The following PDZRN3 variants were observed in gnomAD, a reference collection of about 807,000 sequenced individuals.
PDZRN3 encodes the protein E3 ubiquitin-protein ligase PDZRN3.
A neutral mutation model predicts 85.7 loss-of-function variants in PDZRN3; 38 were observed. The ratio of observed to expected loss-of-function variants is 0.44; its 90% CI spans 0.34 to 0.58. PDZRN3 has a LOEUF of 0.58. Among genes scored for constraint, PDZRN3 ranks in the 20% least tolerant of loss-of-function variants. PDZRN3 has a pLI of 0.01. For synonymous variants in PDZRN3, 759 were observed against 638.0 expected (o/e 1.19, Z -2.86); for missense variants, 1,629 against 1,506.4 (o/e 1.08, Z -1.35).
intron 3 of PDZRN3, among the ~76,000 whole-genome samples, chr3:73,466,858 T>C (rs972439983): frequency 1.3e-5 from 2 of 152,222 alleles, no homozygotes; most frequent in African/African-American, 4.8e-5. Context: ...GCAGAATGTA[T>C]GCAAATTTTC....
intron 3 of PDZRN3, among the ~76,000 whole-genome samples, chr3:73,471,785 T>C (rs1034805866): frequency 2.0e-5 from 3 of 152,360 alleles, no homozygotes; most frequent in African/African-American, 4.8e-5. Flanking sequence ...GCCCCTTCCG[T>C]TTAGAATGTT....
rs571257284 is a variant in PDZRN3, at chr3:73,434,027, C to T, written c.919-29632G>A. 1.0e-4 allele frequency: 99 copies of T among 971,990 alleles called. No individual in the cohort carries two copies. In the African/African-American group the frequency reaches 1.5e-3, roughly 15 times the overall value. 60.2% of individuals were successfully genotyped at this position (971,990 alleles called of 1,614,324 possible). ...TGGTCCAATGCACACGCTATATATA[C>T]TGCTGCTCATGCATATTAATCAGCT... On this transcript the variant is annotated intron_variant, in intron 3 of 9. Transcript: ENST00000263666.
chr3:73,593,270 C>A (rs1365278192), intron 3 of PDZRN3, among the ~76,000 whole-genome samples: 1 of 152,048 alleles, frequency 6.6e-6, no homozygotes, highest in African/African-American at 2.4e-5. Context: ...ATTTTTTGAC[C>A]TAATCTTCAC....
chr3:73,492,677 G>C (rs1324877287), intron 3 of PDZRN3, among the ~76,000 whole-genome samples: 1 of 152,142 alleles, frequency 6.6e-6, no homozygotes, highest in Non-Finnish European at 1.5e-5. Flanking sequence ...CTGGCATTTG[G>C]ACAGCTAGAC....
chr3:73,476,952 G>T (rs1041010232), intron 3 of PDZRN3, among the ~76,000 whole-genome samples: 6 of 151,898 alleles, frequency 4.0e-5, no homozygotes, highest in Admixed American at 1.3e-4. Flanking sequence ...GAGACAATCG[G>T]TTTTTTTTAA....
intron 3 of PDZRN3, among the ~76,000 whole-genome samples, chr3:73,539,281 T>A (rs1704859056): frequency 6.6e-6 from 1 of 152,222 alleles, no homozygotes; most frequent in Non-Finnish European, 1.5e-5. Context: ...ATAGGTCACC[T>A]TGAGATAGTT....
At chr3:73,526,160 C>A (rs1279477548) in intron 3 of PDZRN3, among the ~76,000 whole-genome samples, 1 of 152,112 alleles carries the variant, frequency 6.6e-6, no homozygotes, top group Admixed American at 6.5e-5. Flanking sequence ...TGCTTGAAAT[C>A]AAAAGTGATG....
intron 3 of PDZRN3, among the ~76,000 whole-genome samples, chr3:73,522,799 C>A (rs1157456319): frequency 1.3e-5 from 2 of 151,978 alleles, no homozygotes; most frequent in Non-Finnish European, 1.5e-5. Context: ...ATAATTTGTT[C>A]TTCAATAGTT....
chr3:73,607,517 T>C (rs372124809), intron 2 of PDZRN3, among the ~76,000 whole-genome samples: 4 of 152,192 alleles, frequency 2.6e-5, no homozygotes, highest in African/African-American at 9.7e-5. Context: ...AGTCTCTCCA[T>C]CTGGAGGTGA....
In PDZRN3 at chr3:73,447,933, C is replaced by G. The variant is rs1437467764; in HGVS notation, c.919-43538G>C. On this transcript the variant is annotated intron_variant, in intron 3 of 9. Transcript: ENST00000263666. ...TGGTAATGCCTGCTAGCTCCTTTTC[C>G]TCTTGCATTCTACATAAATATAGAT... 2.0e-5 allele frequency among the ~76,000 whole-genome samples: 3 copies of G among 152,196 alleles called. No homozygotes were observed. In the East Asian group the frequency reaches 5.8e-4, roughly 29 times the overall value.
At chr3:73,485,138 A>G (rs1703639974) in intron 3 of PDZRN3, among the ~76,000 whole-genome samples, 1 of 152,138 alleles carries the variant, frequency 6.6e-6, no homozygotes, top group South Asian at 2.1e-4. Context: ...ATGAAATATT[A>G]GGTCGGTGCA....
chr3:73,599,817 G>A (rs143803846), intron 3 of PDZRN3, among the ~76,000 whole-genome samples: 64 of 152,304 alleles, frequency 4.2e-4, no homozygotes, highest in African/African-American at 1.5e-3. Context: ...CACATAAGGT[G>A]CATCCCAGTG....
At chr3:73,412,059 G>A (rs1339983186) in intron 3 of PDZRN3, among the ~76,000 whole-genome samples, 1 of 152,184 alleles carries the variant, frequency 6.6e-6, no homozygotes, top group Non-Finnish European at 1.5e-5. Flanking sequence ...CTTGAATTGG[G>A]AGAGGCATGC....
intron 1 of PDZRN3, among the ~76,000 whole-genome samples, chr3:73,609,524 C>T (rs558769792): frequency 2.6e-5 from 4 of 152,290 alleles, no homozygotes; most frequent in Admixed American, 2.0e-4. Flanking sequence ...ATTCAACTCG[C>T]TGATACACCT....
intron 3 of PDZRN3, among the ~76,000 whole-genome samples, chr3:73,582,992 T>C (rs1057069293): frequency 4.6e-5 from 7 of 152,210 alleles, no homozygotes; most frequent in Admixed American, 2.0e-4. Context: ...ACTCACTGCC[T>C]GAGCTCATTG....
At chr3:73,601,962 G>A (rs548241648) in intron 3 of PDZRN3, among the ~76,000 whole-genome samples, 5 of 152,242 alleles carry the variant, frequency 3.3e-5, no homozygotes, top group African/African-American at 1.2e-4. Context: ...ACATTAGAAT[G>A]ACTCCAAAGC....
chr3:73,513,906 G>GT (rs1704210905), intron 3 of PDZRN3, among the ~76,000 whole-genome samples: 1 of 152,158 alleles, frequency 6.6e-6, no homozygotes, highest in Non-Finnish European at 1.5e-5. Flanking sequence ...AATCTTATTT[G>GT]TTTCTATATA....
At chr3:73,431,812 A>G (rs1288344994) in intron 3 of PDZRN3, among the ~76,000 whole-genome samples, 1 of 152,196 alleles carries the variant, frequency 6.6e-6, no homozygotes, top group Non-Finnish European at 1.5e-5. Flanking sequence ...AGTAAAAAAC[A>G]AACAACAGAA....
At chr3:73,404,712 G>C (rs1027620809) in intron 3 of PDZRN3, 2 of 325,054 alleles carry the variant, frequency 6.2e-6, no homozygotes, top group African/African-American at 4.2e-5. Flanking sequence ...CTCAGGCTCC[G>C]AGCCTTTATC....
Sources: allele counts gnomAD v4.1 joint callset (sites outside exome capture counted in the v4.1 genomes callset), GRCh38; gene constraint gnomAD v4.1.1; transcripts MANE v1.5; gene names NCBI Gene and HGNC (gene_info 2026-07-23, HGNC 2026-07-21).